Variants in DMXL2 observed in about 807,000 individuals in gnomAD.
DMXL2 encodes Dmx like 2.
Under a neutral mutation model 331.1 loss-of-function variants are expected in DMXL2, and 103 were observed. The ratio of observed to expected loss-of-function variants is 0.31; its 90% CI spans 0.27 to 0.37. DMXL2 has a LOEUF of 0.37. Among genes scored for constraint, DMXL2 ranks in the 10% least tolerant of loss-of-function variants. The pLI, the probability that DMXL2 is intolerant of heterozygous loss-of-function variation, is 1.00. For missense variants in DMXL2, 3,171 were observed against 3,642.9 expected, an observed-to-expected ratio of 0.87 and a Z score of 3.33; for synonymous variants, 1,281 against 1,252.1, an observed-to-expected ratio of 1.02 and a Z score of -0.49.
Position 51,463,378 on chromosome 15 carries a change from C to T in DMXL2, c.7926+1G>A. On this transcript the variant is annotated splice_donor_variant, in intron 33 of 43. Coordinates refer to ENST00000560891, the MANE Select transcript of DMXL2 (RefSeq NM_001378457.1). LOFTEE classifies it high-confidence loss of function. ...AATAGAAAATATTTTTCTCAAAATA[C>T]CTCACTCTGCTTTCTTTTCTTAGTG... is the stretch of plus-strand genomic sequence containing the variant. 1 of 1,471,476 alleles carries T rather than the reference C, an allele frequency of 6.8e-7. No homozygotes were observed. Among genetic ancestry groups the T allele is most frequent in the Non-Finnish European group, 9.4e-7 (1 of 1,067,366 alleles). The allele number at this position is 1,471,476 out of a possible 1,614,324, so 91.2% of individuals were successfully genotyped here.
intron 18 of DMXL2, among the ~76,000 whole-genome samples, chr15:51,496,924 A>C (rs1393092124): frequency 1.3e-5 from 2 of 152,342 alleles, no homozygotes; most frequent in East Asian, 3.9e-4. Flanking sequence ...GGAGACATTC[A>C]TTCCTGCCTT....
intron 1 of DMXL2, among the ~76,000 whole-genome samples, chr15:51,582,918 C>A (rs2051542370): frequency 1.3e-5 from 2 of 151,808 alleles, no homozygotes; most frequent in South Asian, 2.1e-4. Context: ...TCCCAGGAAG[C>A]AATTACTTAA....
intron 1 of DMXL2, among the ~76,000 whole-genome samples, chr15:51,577,937 CAG>C (rs1207356538): frequency 2.0e-5 from 3 of 152,120 alleles, no homozygotes; most frequent in Non-Finnish European, 4.4e-5. Context: ...ATTTAAGAAA[CAG>C]AACAGTGCAC....
intron 14 of DMXL2, among the ~76,000 whole-genome samples, chr15:51,516,005 C>T (rs755365987): frequency 1.1e-4 from 17 of 152,134 alleles, no homozygotes; most frequent in Non-Finnish European, 2.1e-4. Flanking sequence ...CCCAGTTCTG[C>T]TATCAAGAGA....
At chr15:51,494,567 A>G (rs1378158021) in intron 19 of DMXL2, among the ~76,000 whole-genome samples, 1 of 152,220 alleles carries the variant, frequency 6.6e-6, no homozygotes, top group Non-Finnish European at 1.5e-5. Flanking sequence ...CCTGAAGTAC[A>G]CAAATCCACT....
chr15:51,595,169 A>G (rs1215040888), intron 1 of DMXL2, among the ~76,000 whole-genome samples: 1 of 152,222 alleles, frequency 6.6e-6, no homozygotes, highest in East Asian at 1.9e-4. Flanking sequence ...TATCCAGAAA[A>G]CCCCATCATC....
chr15:51,570,702 C>G (rs1386848516), intron 2 of DMXL2, among the ~76,000 whole-genome samples: 1 of 152,054 alleles, frequency 6.6e-6, no homozygotes, highest in Non-Finnish European at 1.5e-5. Context: ...GCTTCTTAGG[C>G]AAAGGAGAAA....
chr15:51,542,592 A>C (rs745459076), intron 8 of DMXL2, 85 bp from the exon 9 acceptor site: 39 of 1,053,688 alleles, frequency 3.7e-5, no homozygotes, highest in Non-Finnish European at 5.1e-5. Context: ...TAAGAGGTTT[A>C]AGATTTTTTT....
intron 1 of DMXL2, among the ~76,000 whole-genome samples, chr15:51,598,361 T>C (rs1432033474): frequency 6.6e-6 from 1 of 152,202 alleles, no homozygotes. Context: ...GATTCCTTTT[T>C]ATTCCTTAAT....
At chr15:51,497,277 A>G (rs1404499007) in intron 18 of DMXL2, among the ~76,000 whole-genome samples, 2 of 152,208 alleles carry the variant, frequency 1.3e-5, no homozygotes, top group Non-Finnish European at 2.9e-5. Context: ...AAGGATGTAA[A>G]TCTATATGAA....
In DMXL2 at chr15:51,499,972, C is replaced by T. The variant is rs764280315; in HGVS notation, c.3252G>A (p.Val1084=). The change falls in exon 18 of 44, where the codon GTG becomes GTA. Residue 1084 remains valine, a synonymous_variant. Transcript: ENST00000560891. ...VSCSYTGRLA[V]AYKQPIHHNG... Reference sequence around the variant, plus strand: ...TATGGTGGATAGGCTGCTTATAAGCCACTGCAAGGCGACCTGTGTATGAAC... The same window carrying T: ...TATGGTGGATAGGCTGCTTATAAGCTACTGCAAGGCGACCTGTGTATGAAC... 4.8e-5 allele frequency: 78 copies of T among 1,613,852 alleles called. No homozygotes were observed. The South Asian group carries it at 7.8e-4, about 16-fold the overall frequency.
chr15:51,582,698 C>T (rs548232629), intron 1 of DMXL2, among the ~76,000 whole-genome samples: 2 of 151,492 alleles, frequency 1.3e-5, no homozygotes, highest in African/African-American at 4.8e-5. Context: ...TAATACGTTC[C>T]TGATTAAGCA....
Position 51,481,145 on chromosome 15 carries a change from A to G in DMXL2, c.5961T>C (p.Asp1987=), listed in dbSNP as rs779439257. The part of the protein sequence containing the change: ...DWGEDHDSAL[D]EEEDDAVGLV... ...AACCAACAGCATCGTCTTCCTCTTCATCTAAGGCACTGTCGTGATCTTCAC... is the reference window on the plus strand; with the variant it reads ...AACCAACAGCATCGTCTTCCTCTTCGTCTAAGGCACTGTCGTGATCTTCAC... The change falls in exon 24 of 44, where the codon GAT becomes GAC. Residue 1987 remains aspartate (D), a synonymous_variant. Coordinates refer to ENST00000560891, the MANE Select transcript of DMXL2 (RefSeq NM_001378457.1). The G allele has an allele frequency of 1.9e-6, 3 of 1,612,368 alleles. No homozygotes were observed.
chr15:51,459,841 C>T (rs2039969054), intron 33 of DMXL2, 181 bp from the exon 34 acceptor site: 1 of 1,163,690 alleles, frequency 8.6e-7, no homozygotes, highest in Admixed American at 3.7e-5. Context: ...AACACAAAGC[C>T]AAAAGAGCAA....
chr15:51,519,264 A>G (rs2047207665), intron 13 of DMXL2, among the ~76,000 whole-genome samples: 1 of 151,986 alleles, frequency 6.6e-6, no homozygotes, highest in South Asian at 2.1e-4. Context: ...TTACAGGTGC[A>G]TGCAACCATG....
At position 51,576,182 on chromosome 15, in the gene DMXL2, C is replaced by CAAAAAA; in HGVS notation, c.88-2_88-1insTTTTTT. On this transcript the variant is annotated splice_acceptor_variant, in intron 1 of 43. Coordinates refer to ENST00000560891, the MANE Select transcript of DMXL2 (RefSeq NM_001378457.1). LOFTEE classifies it high-confidence loss of function. ...CAATATCACAGCCTGATCCATATGCCTAAAAAAAAAAAAAAAAAAAAGTTT... is the reference window on the plus strand; with the variant it reads ...CAATATCACAGCCTGATCCATATGCCAAAAAATAAAAAAAAAAAAAAAAAAAAGTTT... 1 of 734,616 alleles carries CAAAAAA rather than the reference C, an allele frequency of 1.4e-6. No individual in the cohort carries two copies. Among genetic ancestry groups the CAAAAAA allele is most frequent in the Non-Finnish European group, 1.7e-6 (1 of 583,372 alleles). The allele number at this position is 734,616 out of a possible 1,614,324, so 45.5% of individuals were successfully genotyped here.
chr15:51,545,398 A>G (rs2048834622), intron 8 of DMXL2, among the ~76,000 whole-genome samples, 185 bp downstream of exon 8: 1 of 152,194 alleles, frequency 6.6e-6, no homozygotes, highest in African/African-American at 2.4e-5. Flanking sequence ...GTCTGAGATC[A>G]TTAATTTCTG....
rs78572781 is a variant in DMXL2 at position 51,582,967 on chromosome 15, A to G, written c.88-6786T>C. The stretch of plus-strand genomic sequence containing the variant: ...ACCCTTCCTGAAATGTTCAATATAT[A>G]AAAGTATATCTTTTATATATCTTCT... On this transcript the variant is annotated intron_variant, in intron 1 of 43. Coordinates refer to ENST00000560891, the MANE Select transcript of DMXL2 (RefSeq NM_001378457.1). 2.6e-3 allele frequency among the ~76,000 whole-genome samples: 398 copies of G among 152,138 alleles called. 17 individuals carry two copies. The East Asian group carries it at 0.062, about 24-fold the overall frequency.
At chr15:51,567,043 T>C (rs532967580) in intron 3 of DMXL2, 2 of 44,894 alleles carry the variant, frequency 4.5e-5, no homozygotes, top group South Asian at 1.1e-3. Flanking sequence ...TTCCAGATAC[T>C]TTTTTTTTTT....
Sources: allele counts gnomAD v4.1 joint callset (sites outside exome capture counted in the v4.1 genomes callset), GRCh38; gene constraint gnomAD v4.1.1; transcripts MANE v1.5; gene names NCBI Gene and HGNC (gene_info 2026-07-23, HGNC 2026-07-21).